SGIP1: variants seen among roughly 807,000 people sequenced by gnomAD.
SGIP1 encodes SH3GL interacting endocytic adaptor 1, also known as SH3-containing GRB2-like protein 3-interacting protein 1.
In SGIP1, 38 loss-of-function variants were observed where a neutral mutation model predicts 107.5. The observed-to-expected ratio is 0.35, with a 90% CI of 0.27 to 0.46. The LOEUF (loss-of-function observed/expected upper bound fraction) is 0.46. Ranked by LOEUF, SGIP1 falls within the 20% of genes least tolerant of loss-of-function variation. The pLI is 1.00. For synonymous variants in SGIP1, 365 were observed against 366.1 expected (o/e 1.00, Z 0.03); for missense variants, 929 against 1,019.5 (o/e 0.91, Z 1.21).
In SGIP1 at chr1:66,588,373, T is replaced by C. The variant is rs559331013; in HGVS notation, c.11-37474T>C. On this transcript the variant is annotated intron_variant, in intron 1 of 24. Transcript: ENST00000371037. ...CTCATTTTCCTTCAGCATCTCTACC[T>C]GCAAAACAAAAAAATATTAGAACTT... 3.2e-4 allele frequency among the ~76,000 whole-genome samples: 47 copies of C among 145,088 alleles called. No homozygotes were observed. In the East Asian group the frequency reaches 8.9e-3, roughly 27 times the overall value.
At chr1:66,584,364 C>T (rs2062243959) in intron 1 of SGIP1, among the ~76,000 whole-genome samples, 1 of 152,116 alleles carries the variant, frequency 6.6e-6, no homozygotes, top group Non-Finnish European at 1.5e-5. Context: ...AGAAGCAAAT[C>T]TCTGAATCTT....
chr1:66,588,959 G>GA (rs1289984760), intron 1 of SGIP1, among the ~76,000 whole-genome samples: 1 of 149,542 alleles, frequency 6.7e-6, no homozygotes, highest in Admixed American at 6.7e-5. Flanking sequence ...GATAAGAAAA[G>GA]AAAAAAAATT....
intron 17 of SGIP1, among the ~76,000 whole-genome samples, chr1:66,692,085 G>A (rs1323009159): frequency 6.6e-6 from 1 of 151,416 alleles, no homozygotes; most frequent in African/African-American, 2.4e-5. Flanking sequence ...CTTGAACTCG[G>A]GAGGCAGAGG....
At chr1:66,603,178 T>C (rs1453298699) in intron 1 of SGIP1, among the ~76,000 whole-genome samples, 1 of 152,192 alleles carries the variant, frequency 6.6e-6, no homozygotes, top group Non-Finnish European at 1.5e-5. Flanking sequence ...AATAGAATGT[T>C]CAGTTTTTGA....
At chr1:66,588,398 T>A (rs2044400) in intron 1 of SGIP1, among the ~76,000 whole-genome samples, 104,997 of 151,406 alleles carry the variant, frequency 0.69, 38,155 homozygotes, top group East Asian at 1. Context: ...TATTAGAACT[T>A]CCCCTACTTC....
chr1:66,686,831 T>C (rs2088450640), intron 15 of SGIP1, among the ~76,000 whole-genome samples: 1 of 152,244 alleles, frequency 6.6e-6, no homozygotes, highest in Admixed American at 6.5e-5. Flanking sequence ...TTTTTTTGAC[T>C]TGTTAGTTGT....
chr1:66,556,721 G>A (rs148521083), intron 1 of SGIP1, among the ~76,000 whole-genome samples: 1 of 151,622 alleles, frequency 6.6e-6, no homozygotes. Context: ...TCAAATGAGC[G>A]TGGAGATCAG....
At chr1:66,679,974 C>G (rs370227400) in intron 14 of SGIP1, among the ~76,000 whole-genome samples, 1 of 152,068 alleles carries the variant, frequency 6.6e-6, no homozygotes, top group Non-Finnish European at 1.5e-5. Flanking sequence ...TTAATTTTTC[C>G]TTGGTATAAT....
In SGIP1 at chr1:66,667,540, C is replaced by T. The variant is rs17855645; in HGVS notation, c.482C>T (p.Pro161Leu). 5.1e-5 allele frequency: 82 copies of T among 1,613,752 alleles called. 1 individual carries two copies. The highest frequency in any genetic ancestry group is 5.0e-4 in the Middle Eastern group (3 of 6,058). ...TTTTGCTGATCACAGAGGCGCAGCC[C>T]GGTAAGAACTCTCAACATTTTTACC... ...SPVRKSPRRS[P>L]GAIKRNLSSE... The change falls in exon 9 of 25, where the codon CCG becomes CTG. Residue 161 changes from proline (P) to leucine (L), a missense_variant and splice_region_variant. Pro to Leu is a moderately conservative substitution (Grantham distance 98). This residue lies in a region of SGIP1 where 588 missense variants were observed against 588.6 expected (regional missense o/e 1.00). Transcript: ENST00000371037.
chr1:66,659,247 G>A (rs922493207), intron 7 of SGIP1, among the ~76,000 whole-genome samples: 1 of 152,188 alleles, frequency 6.6e-6, no homozygotes, highest in African/African-American at 2.4e-5. Flanking sequence ...CCATCAGCTA[G>A]GAAGCTCATG....
At chr1:66,621,248 G>A (rs1032435034) in intron 1 of SGIP1, among the ~76,000 whole-genome samples, 6 of 152,292 alleles carry the variant, frequency 3.9e-5, no homozygotes, top group Admixed American at 1.3e-4. Context: ...ATTTGTGACC[G>A]TATTGATGTC....
intron 4 of SGIP1, among the ~76,000 whole-genome samples, chr1:66,636,588 C>T (rs1356333161): frequency 6.6e-6 from 1 of 152,212 alleles, no homozygotes; most frequent in African/African-American, 2.4e-5. Flanking sequence ...TTCATAGCCA[C>T]TTGTGGCTAG....
chr1:66,645,988 G>A (rs552895929), intron 7 of SGIP1, among the ~76,000 whole-genome samples: 5 of 152,116 alleles, frequency 3.3e-5, no homozygotes, highest in African/African-American at 7.2e-5. Flanking sequence ...TTACAGGCAC[G>A]TGCCACCATG....
chr1:66,685,577 A>G (rs761323159), intron 15 of SGIP1, among the ~76,000 whole-genome samples: 1 of 152,226 alleles, frequency 6.6e-6, no homozygotes, highest in Non-Finnish European at 1.5e-5. Context: ...TTGGGAAACT[A>G]AAGATGTTAT....
chr1:66,634,252 T>C (rs1407752250), intron 3 of SGIP1: 9 of 958,930 alleles, frequency 9.4e-6, no homozygotes, highest in African/African-American at 1.6e-5. Flanking sequence ...CAAAGCTCTG[T>C]TAGCTACTCT....
At chr1:66,613,779 C>A (rs942345173) in intron 1 of SGIP1, among the ~76,000 whole-genome samples, 12 of 152,288 alleles carry the variant, frequency 7.9e-5, no homozygotes, top group African/African-American at 2.9e-4. Flanking sequence ...GTAACAGTGA[C>A]CTAATGGAAA....
At chr1:66,589,033 A>G (rs2063130901) in intron 1 of SGIP1, among the ~76,000 whole-genome samples, 1 of 151,034 alleles carries the variant, frequency 6.6e-6, no homozygotes, top group Non-Finnish European at 1.5e-5. Flanking sequence ...TCCAACAGTA[A>G]AACATGGGCC....
intron 1 of SGIP1, among the ~76,000 whole-genome samples, chr1:66,552,477 A>G (rs2148294021): frequency 6.6e-6 from 1 of 151,600 alleles, no homozygotes; most frequent in South Asian, 2.1e-4. Context: ...TTCCTGTGTT[A>G]CTCCTGTTCT....
intron 11 of SGIP1, among the ~76,000 whole-genome samples, 184 bp downstream of exon 11, chr1:66,672,179 A>C (rs1206137669): frequency 6.6e-6 from 1 of 152,158 alleles, no homozygotes; most frequent in African/African-American, 2.4e-5. Context: ...AGCCCAAGGG[A>C]GACCTTTAGG....
Sources: gnomAD v4.1 joint callset for allele counts (sites outside exome capture counted in the v4.1 genomes callset) on GRCh38, gnomAD v4.1.1 for gene constraint, gnomAD v4.1.1 regional missense constraint, MANE v1.5 for transcripts, NCBI Gene and HGNC (gene_info 2026-07-23, HGNC 2026-07-21) for gene names.